Variants in NF2 observed in about 807,000 individuals in gnomAD.
NF2 encodes the protein NF2, moesin-ezrin-radixin like (MERLIN) tumor suppressor.
In NF2, 8 loss-of-function variants were observed where a neutral mutation model predicts 83.7. That is an observed-to-expected ratio of 0.10 (90% CI 0.06 to 0.17). The LOEUF (loss-of-function observed/expected upper bound fraction) is 0.17, where lower values mean the gene tolerates loss of function less well. Among genes scored for constraint, NF2 ranks in the 10% least tolerant of loss-of-function variants. The pLI, the probability that NF2 is intolerant of heterozygous loss-of-function variation, is 1.00. For synonymous variants in NF2, 266 were observed against 269.6 expected (o/e 0.99, Z 0.13); for missense variants, 533 against 744.4 (o/e 0.72, Z 3.31).
At chr22:29,678,460 C>A in intron 14 of NF2, 137 bp downstream of exon 14, 6 of 972,828 alleles carry the variant, frequency 6.2e-6, no homozygotes, top group Non-Finnish European at 9.7e-6. Flanking sequence ...TCTGCTCTTA[C>A]ACCCTGGAGG....
intron 14 of NF2, among the ~76,000 whole-genome samples, chr22:29,678,614 A>C (rs2067039017): frequency 1.3e-5 from 2 of 152,248 alleles, no homozygotes; most frequent in African/African-American, 4.8e-5. Context: ...CCTAAAGTGT[A>C]GGACTGGGTT....
chr22:29,655,886 T>C (rs992995095), intron 6 of NF2, among the ~76,000 whole-genome samples: 1 of 152,128 alleles, frequency 6.6e-6, no homozygotes, highest in Admixed American at 6.6e-5. Context: ...AAAGTAGGTA[T>C]GTGTACTGCC....
intron 1 of NF2, among the ~76,000 whole-genome samples, chr22:29,631,958 G>A (rs1601569904): frequency 1.3e-5 from 2 of 152,200 alleles, no homozygotes; most frequent in East Asian, 3.9e-4. Flanking sequence ...GAAAGATTAA[G>A]CCCTCATGTC....
chr22:29,648,366 AAAAAG>A, intron 4 of NF2, among the ~76,000 whole-genome samples: 1 of 152,334 alleles, frequency 6.6e-6, no homozygotes, highest in Non-Finnish European at 1.5e-5. Flanking sequence ...GGTAATCAAG[AAAAAG>A]AAAAAACAAC....
At chr22:29,686,903 G>A (rs2067283466) in intron 15 of NF2, among the ~76,000 whole-genome samples, 1 of 152,208 alleles carries the variant, frequency 6.6e-6, no homozygotes, top group African/African-American at 2.4e-5. Context: ...CCTTCCGAGT[G>A]AGGGGAGTGA....
intron 15 of NF2, among the ~76,000 whole-genome samples, chr22:29,682,680 G>A (rs116261845): frequency 1.7e-4 from 26 of 152,292 alleles, no homozygotes; most frequent in African/African-American, 5.3e-4. Context: ...GGGAGGCCTC[G>A]GTCATTAAGG....
chr22:29,604,120 G>A lies in NF2; in HGVS notation c.114+8G>A. 6.3e-7 allele frequency: 1 copy of A among 1,591,130 alleles called. No homozygotes were observed. The highest frequency in any genetic ancestry group is 8.6e-7 in the Non-Finnish European group (1 of 1,167,704). ...ATGGAGTTCAATTGCGAGGTAACCGGCCGGCAGCCCCGACTGCTGCGGTGA... is the reference window on the plus strand; with the variant it reads ...ATGGAGTTCAATTGCGAGGTAACCGACCGGCAGCCCCGACTGCTGCGGTGA... On this transcript the variant is annotated splice_region_variant and intron_variant, in intron 1 of 15. Transcript: ENST00000338641.
In NF2 at chr22:29,695,513, A is replaced by C. The variant is rs1000698448; in HGVS notation, c.*711A>C. The C allele has an allele frequency of 4.2e-6, 1 of 240,292 alleles. No individual in the cohort carries two copies. The highest frequency in any genetic ancestry group is 5.1e-5 in the Admixed American group (1 of 19,578). 14.9% of individuals were successfully genotyped at this position (240,292 alleles called of 1,614,324 possible). ...AGTGCCGTGCGGGAGCTGATGGTAC[A>C]GGGCACTCGCTGTCCCCCTCCGGCC... On this transcript the variant is annotated 3_prime_UTR_variant, in exon 16 of 16. Transcript: ENST00000338641. This position sits in a 1 kb window ranked among gnomAD's most constrained non-coding sequence, Gnocchi z 5.4.
At position 29,625,646 on chromosome 22, in the gene NF2, T is replaced by C. The variant is rs142326973; in HGVS notation, c.115-11105T>C. Among the ~76,000 whole-genome samples the C allele has an allele frequency of 1.6e-4, 24 of 152,360 alleles. No homozygotes were observed. The East Asian group carries it at 4.6e-3, about 29-fold the overall frequency. On this transcript the variant is annotated intron_variant, in intron 1 of 15. Transcript: ENST00000338641. ...CCACATGTTTAGGACATTTTTAGCG[T>C]GTCAAAATTTATTACCAAAGTAGTG...
chr22:29,680,708 A>G (rs2067105601), intron 14 of NF2, among the ~76,000 whole-genome samples: 1 of 152,182 alleles, frequency 6.6e-6, no homozygotes, highest in African/African-American at 2.4e-5. Flanking sequence ...TGTCATCTTT[A>G]GATGAAGTCT....
intron 1 of NF2, among the ~76,000 whole-genome samples, chr22:29,625,364 A>T (rs1332043747): frequency 6.6e-6 from 1 of 151,850 alleles, no homozygotes; most frequent in Non-Finnish European, 1.5e-5. Flanking sequence ...TCATATTGAA[A>T]TTTTTCTTTT....
intron 11 of NF2, among the ~76,000 whole-genome samples, chr22:29,672,578 C>A (rs2066830145): frequency 6.6e-6 from 1 of 151,808 alleles, no homozygotes; most frequent in African/African-American, 2.4e-5. Context: ...TCCCAAAGTG[C>A]TGGGATTATA....
chr22:29,686,968 G>A (rs2055074318), intron 15 of NF2, among the ~76,000 whole-genome samples: 1 of 152,178 alleles, frequency 6.6e-6, no homozygotes, highest in African/African-American at 2.4e-5. Flanking sequence ...CCTGGCTTTC[G>A]TGCCTTCAGA....
rs1177589639 is a variant in NF2, at chr22:29,697,657, C to T, written c.*2855C>T. 1 of 173,732 alleles carries T rather than the reference C, an allele frequency of 5.8e-6. No individual in the cohort carries two copies. Among genetic ancestry groups the T allele is most frequent in the Admixed American group, 6.4e-5 (1 of 15,696 alleles). The allele number at this position is 173,732 out of a possible 1,614,324, so 10.8% of individuals were successfully genotyped here. A position where few individuals can be genotyped will look rare whatever the true frequency, so the allele number is the denominator to read the frequency against. ...TCTCGGCTCACCGCAACCTCCGCCTCCCGGATTCAAGCAATTCTCCTGCCT... is the reference window on the plus strand; with the variant it reads ...TCTCGGCTCACCGCAACCTCCGCCTTCCGGATTCAAGCAATTCTCCTGCCT... On this transcript the variant is annotated 3_prime_UTR_variant, in exon 16 of 16. Coordinates refer to ENST00000338641, the MANE Select transcript of NF2 (RefSeq NM_000268.4).
intron 1 of NF2, among the ~76,000 whole-genome samples, chr22:29,621,821 C>T (rs747470658): frequency 6.6e-6 from 1 of 152,244 alleles, no homozygotes; most frequent in Non-Finnish European, 1.5e-5. Context: ...CACACTGCCA[C>T]ATCTTTGCAT....
intron 9 of NF2, 90 bp from the exon 10 acceptor site, chr22:29,668,243 A>G (rs1411550204): frequency 8.9e-6 from 8 of 895,138 alleles, no homozygotes; most frequent in Non-Finnish European, 1.5e-5. Context: ...GCTACCTGCA[A>G]GAGCTCAAAC....
At position 29,636,686 on chromosome 22, in the gene NF2, C is replaced by T. The variant is rs117217248; in HGVS notation, c.115-65C>T. 3.5e-3 allele frequency: 5,569 copies of T among 1,608,280 alleles called. 145 individuals carry two copies. In the South Asian group the frequency reaches 0.037, roughly 11 times the overall value. On this transcript the variant is annotated intron_variant, in intron 1 of 15. Coordinates refer to ENST00000338641, the MANE Select transcript of NF2 (RefSeq NM_000268.4). This position sits in a 1 kb window ranked among gnomAD's most constrained non-coding sequence, Gnocchi z 4.4. ...TTTTGGAACCTGAGAGTGGAGAGTG[C>T]AGAGAAAAGGTTTTATTAATGATTT... is the stretch of plus-strand genomic sequence containing the variant.
chr22:29,644,167 G>C (rs906952097), intron 4 of NF2, among the ~76,000 whole-genome samples: 1 of 151,630 alleles, frequency 6.6e-6, no homozygotes, highest in African/African-American at 2.4e-5. Flanking sequence ...TCACAGACGG[G>C]GCGGTTGCCA....
chr22:29,671,302 G>A (rs190749520), intron 10 of NF2, among the ~76,000 whole-genome samples: 145 of 152,284 alleles, frequency 9.5e-4, no homozygotes, highest in African/African-American at 3.3e-3. Flanking sequence ...AGGCCAAGGT[G>A]GGTGGATCAT....
Sources: gnomAD v4.1 joint callset for allele counts (sites outside exome capture counted in the v4.1 genomes callset) on GRCh38, gnomAD v4.1.1 for gene constraint, Gnocchi (gnomAD v3.1) non-coding constraint, MANE v1.5 for transcripts, NCBI Gene and HGNC (gene_info 2026-07-23, HGNC 2026-07-21) for gene names.